Variants in ADAM19 observed in about 807,000 individuals in gnomAD.
ADAM19 encodes the protein ADAM metallopeptidase domain 19.
A neutral mutation model predicts 114.7 loss-of-function variants in ADAM19; 65 were observed. The observed-to-expected ratio is 0.57, with a 90% CI of 0.46 to 0.70. ADAM19 has a LOEUF of 0.70. Ranked by LOEUF, ADAM19 falls within the 30% of genes least tolerant of loss-of-function variation. The pLI is 0.00. For synonymous variants in ADAM19, 466 were observed against 460.5 expected (o/e 1.01, Z -0.15); for missense variants, 1,063 against 1,204.7 (o/e 0.88, Z 1.74).
chr5:157,556,659 T>C (rs1474097092), intron 3 of ADAM19, among the ~76,000 whole-genome samples: 2 of 152,336 alleles, frequency 1.3e-5, no homozygotes, highest in African/African-American at 4.8e-5. Context: ...CTCTATTTTC[T>C]ATGCAAGTGC....
rs1034198858 is a variant in ADAM19 at position 157,479,677 on chromosome 5, C to A, written c.*1272G>T. The A allele has an allele frequency of 1.0e-6, 1 of 985,996 alleles. No individual in the cohort carries two copies. Among genetic ancestry groups the A allele is most frequent in the Non-Finnish European group, 1.2e-6 (1 of 830,132 alleles). 61.1% of individuals were successfully genotyped at this position (985,996 alleles called of 1,614,324 possible). A position where few individuals can be genotyped will look rare whatever the true frequency, so the allele number is the denominator to read the frequency against. On this transcript the variant is annotated 3_prime_UTR_variant, in exon 23 of 23. Coordinates refer to ENST00000257527, the MANE Select transcript of ADAM19 (RefSeq NM_033274.5). ...AGAGAGAACAAAAGGAAGTGAATGA[C>A]AAAAAGCTGGGTTGAGGAAGAGGCT...
At position 157,481,849 on chromosome 5, in the gene ADAM19, A is replaced by C; in HGVS notation, c.2645T>G (p.Leu882Arg). The C allele has an allele frequency of 6.3e-7, 1 of 1,589,354 alleles. No homozygotes were observed. The highest frequency in any genetic ancestry group is 8.6e-7 in the Non-Finnish European group (1 of 1,167,370). The change falls in exon 22 of 23, where the codon CTG (leucine) becomes CGG (arginine). Residue 882 changes from leucine to arginine, a missense_variant. Physicochemically the swap from Leu to Arg is moderately radical, Grantham distance 102. Coordinates refer to ENST00000257527, the MANE Select transcript of ADAM19 (RefSeq NM_033274.5). ...SLPRPGGASP[L>R]RPPGAGPQQS... ...CTGAGGGCCAGCACCAGGGGGCCGCAGTGGGGATGCACCTCCTGGCCTGGG... is the reference window on the plus strand; with the variant it reads ...CTGAGGGCCAGCACCAGGGGGCCGCCGTGGGGATGCACCTCCTGGCCTGGG...
chr5:157,522,103 G>A (rs1390050215), intron 5 of ADAM19, among the ~76,000 whole-genome samples: 1 of 152,226 alleles, frequency 6.6e-6, no homozygotes, highest in African/African-American at 2.4e-5. Context: ...CCTCATAGTG[G>A]CTGCAGATTA....
intron 1 of ADAM19, 66 bp downstream of exon 1, chr5:157,575,537 A>G: frequency 8.1e-7 from 1 of 1,233,420 alleles, no homozygotes; most frequent in Non-Finnish European, 1.1e-6. Flanking sequence ...AGCGCTCCGG[A>G]CCCGCAAGGC....
Position 157,570,270 on chromosome 5 carries a change from C to CAAACAAAA in ADAM19, c.180+617_180+624dup, listed in dbSNP as rs1343226425. ...GTGAGACTCTGTCAAAACAAACAAA[C>CAAACAAAA]AAACAAAAAAACAAAAACAAAAAAA... is the stretch of plus-strand genomic sequence containing the variant. On this transcript the variant is annotated intron_variant, in intron 2 of 22. Coordinates refer to ENST00000257527, the MANE Select transcript of ADAM19 (RefSeq NM_033274.5). Among the ~76,000 whole-genome samples the CAAACAAAA allele has an allele frequency of 3.5e-3, 528 of 151,122 alleles. 6 individuals are homozygous for CAAACAAAA. The highest frequency in any genetic ancestry group is 0.012 in the African/African-American group (493 of 41,426).
At chr5:157,533,449 C>T (rs1756678647) in intron 4 of ADAM19, among the ~76,000 whole-genome samples, 1 of 152,158 alleles carries the variant, frequency 6.6e-6, no homozygotes, top group Admixed American at 6.5e-5. Flanking sequence ...TCTCAACCTA[C>T]CCGTGGGATC....
intron 11 of ADAM19, among the ~76,000 whole-genome samples, chr5:157,503,601 A>G (rs1199668871): frequency 6.6e-6 from 1 of 152,202 alleles, no homozygotes; most frequent in Non-Finnish European, 1.5e-5. Context: ...AGGAGTAGCA[A>G]TTTCTGCCCA....
At chr5:157,567,132 C>T (rs1393593212) in intron 2 of ADAM19, among the ~76,000 whole-genome samples, 1 of 152,216 alleles carries the variant, frequency 6.6e-6, no homozygotes, top group Non-Finnish European at 1.5e-5. Context: ...TAAGCACATT[C>T]CCCTTCCTCG....
chr5:157,555,023 T>G (rs1757328297), intron 3 of ADAM19, among the ~76,000 whole-genome samples: 1 of 152,106 alleles, frequency 6.6e-6, no homozygotes, highest in South Asian at 2.1e-4. Context: ...GAAATGCCAG[T>G]GCTAACCAAA....
chr5:157,572,729 GC>G (rs1302981718), intron 1 of ADAM19, among the ~76,000 whole-genome samples: 2 of 152,312 alleles, frequency 1.3e-5, no homozygotes, highest in East Asian at 3.9e-4. Flanking sequence ...ATGAATAGGT[GC>G]TTAATATTCA....
chr5:157,486,457 C>T (rs1056553102), intron 21 of ADAM19, among the ~76,000 whole-genome samples: 8 of 152,132 alleles, frequency 5.3e-5, no homozygotes, highest in Non-Finnish European at 1.0e-4. Flanking sequence ...GGGCAGCTTC[C>T]TGCACCCGGG....
intron 21 of ADAM19, among the ~76,000 whole-genome samples, chr5:157,486,923 TAAG>T (rs72070432): frequency 0.043 from 6,514 of 152,130 alleles, 177 homozygotes; most frequent in East Asian, 0.084. Context: ...GGTGTCCTCA[TAAG>T]AAGAGGAGAG....
intron 16 of ADAM19, among the ~76,000 whole-genome samples, chr5:157,492,360 A>T (rs1755203763): frequency 6.6e-6 from 1 of 152,162 alleles, no homozygotes; most frequent in Non-Finnish European, 1.5e-5. Flanking sequence ...GAAAAATGGA[A>T]AACAGCCCAC....
chr5:157,527,158 C>T (rs1191777264), intron 5 of ADAM19, among the ~76,000 whole-genome samples: 24 of 152,128 alleles, frequency 1.6e-4, no homozygotes, highest in Admixed American at 1.6e-3. Context: ...AAGCAAGCAC[C>T]TTCTTCACAA....
intron 5 of ADAM19, 74 bp downstream of exon 5, chr5:157,530,733 C>T (rs3822696): frequency 0.52 from 705,052 of 1,344,370 alleles, 189,444 homozygotes; most frequent in African/African-American, 0.71. Context: ...GTCCTTGCCT[C>T]AGCCTTGTCT....
rs575395010 is a variant in ADAM19, at chr5:157,478,876, C to T, written c.*2073G>A. On this transcript the variant is annotated 3_prime_UTR_variant, in exon 23 of 23. Coordinates refer to ENST00000257527, the MANE Select transcript of ADAM19 (RefSeq NM_033274.5). ...GCTCATGCAGTCACTATGGCTGTGG[C>T]GCTGTCATTTCAGAGCTATCTACCT... 7 of 985,574 alleles carry T rather than the reference C, an allele frequency of 7.1e-6. No homozygotes were observed. The highest frequency in any genetic ancestry group is 6.1e-5 in the Admixed American group (1 of 16,264). 61.1% of individuals were successfully genotyped at this position (985,574 alleles called of 1,614,324 possible). A position where few individuals can be genotyped will look rare whatever the true frequency, so the allele number is the denominator to read the frequency against.
intron 21 of ADAM19, 36 bp from the exon 22 acceptor site, chr5:157,481,979 G>A (rs760268305): frequency 6.6e-7 from 1 of 1,509,826 alleles, no homozygotes; most frequent in South Asian, 1.3e-5. Context: ...TTGAAGGCCA[G>A]AGGCCTGTTT....
chr5:157,567,406 T>C (rs531465691), intron 2 of ADAM19, among the ~76,000 whole-genome samples: 121 of 152,364 alleles, frequency 7.9e-4, no homozygotes, highest in Admixed American at 7.9e-3. Flanking sequence ...ACACCTATTC[T>C]GGTTGCAGAT....
At chr5:157,517,273 G>A (rs1756120655) in intron 7 of ADAM19, among the ~76,000 whole-genome samples, 1 of 152,202 alleles carries the variant, frequency 6.6e-6, no homozygotes, top group Admixed American at 6.5e-5. Context: ...TGGGAAGATG[G>A]TAGCTAAACT....
Sources: gnomAD v4.1 joint callset for allele counts (sites outside exome capture counted in the v4.1 genomes callset) on GRCh38, gnomAD v4.1.1 for gene constraint, MANE v1.5 for transcripts, NCBI Gene and HGNC (gene_info 2026-07-23, HGNC 2026-07-21) for gene names.